CSTF3: variants seen among roughly 807,000 people sequenced by gnomAD.
CSTF3 encodes the protein cleavage stimulation factor subunit 3.
In CSTF3, 29 loss-of-function variants were observed where a neutral mutation model predicts 105.8. That is an observed-to-expected ratio of 0.27 (90% CI 0.20 to 0.37). The LOEUF is 0.37. CSTF3 is among the 10% of genes least tolerant of loss of function. The probability of loss-of-function intolerance (pLI) is 1.00; values close to 1 mark genes in which losing one functional copy is unlikely to be tolerated. For synonymous variants in CSTF3, 252 were observed against 281.9 expected (o/e 0.89, Z 1.06); for missense variants, 357 against 879.3 (o/e 0.41, Z 7.51).
intron 3 of CSTF3, among the ~76,000 whole-genome samples, chr11:33,125,459 G>T (rs1008545415): frequency 1.2e-4 from 19 of 152,114 alleles, no homozygotes; most frequent in African/African-American, 4.3e-4. Context: ...CCTATTAGGG[G>T]TATAATTCAG....
chr11:33,101,361 C>G lies in CSTF3; in HGVS notation c.826+816G>C, dbSNP rs528995026. ...ACCAGCAGAAAACAAAGCTGGAAGG[C>G]AGAAAGAGTTAAATAGATACCTCAG... On this transcript the variant is annotated intron_variant, in intron 10 of 20. Coordinates refer to ENST00000323959, the MANE Select transcript of CSTF3 (RefSeq NM_001326.3). Among the ~76,000 whole-genome samples, 3 of 152,240 alleles carry G rather than the reference C, an allele frequency of 2.0e-5. No individual in the cohort carries two copies. In the South Asian group the frequency reaches 6.2e-4, roughly 32 times the overall value.
At chr11:33,128,322 G>A (rs1487829196) in intron 3 of CSTF3, among the ~76,000 whole-genome samples, 2 of 151,628 alleles carry the variant, frequency 1.3e-5, no homozygotes, top group East Asian at 3.9e-4. Context: ...AATTGTATTA[G>A]TTTCTCAATA....
intron 3 of CSTF3, among the ~76,000 whole-genome samples, chr11:33,121,491 A>G (rs1211335268): frequency 6.6e-6 from 1 of 152,144 alleles, no homozygotes; most frequent in African/African-American, 2.4e-5. Flanking sequence ...TTATAGTTTG[A>G]AATGTTTGTA....
At chr11:33,152,056 C>G (rs758950300) in intron 1 of CSTF3, among the ~76,000 whole-genome samples, 3 of 152,090 alleles carry the variant, frequency 2.0e-5, no homozygotes, top group Non-Finnish European at 4.4e-5. Context: ...GAGTTTGAGA[C>G]CAGCCTGGCC....
At chr11:33,105,830 A>C (rs781618408) in intron 7 of CSTF3, 53 bp downstream of exon 7, 1 of 1,528,074 alleles carries the variant, frequency 6.5e-7, no homozygotes, top group South Asian at 1.2e-5. Context: ...ACTAAAAATT[A>C]TATTTTAGCT....
chr11:33,108,674 A>T (rs1855349987), intron 3 of CSTF3, among the ~76,000 whole-genome samples: 1 of 152,216 alleles, frequency 6.6e-6, no homozygotes, highest in African/African-American at 2.4e-5. Context: ...ATTCTGTAAA[A>T]GTCATGAGAT....
intron 3 of CSTF3, among the ~76,000 whole-genome samples, chr11:33,117,442 TA>T (rs749656224): frequency 6.6e-6 from 1 of 152,056 alleles, no homozygotes; most frequent in Non-Finnish European, 1.5e-5. Context: ...TTAAAATGAC[TA>T]AATACTGCTA....
rs959897838 is a variant in CSTF3 at position 33,105,675 on chromosome 11, A to G, written c.477T>C (p.Tyr159=). ...FLKGVEAVGS[Y]AENQRITAVR... The stretch of plus-strand genomic sequence containing the variant: ...CAGCTGTTATTCTTTGATTTTCTGC[A>G]TAAGATCCTACAGCTTCCCTGAGAT... The change falls in exon 8 of 21, where the codon TAT becomes TAC. Residue 159 remains tyrosine (Y), a synonymous_variant. Coordinates refer to ENST00000323959, the MANE Select transcript of CSTF3 (RefSeq NM_001326.3). 3 of 1,613,456 alleles carry G rather than the reference A, an allele frequency of 1.9e-6. No homozygotes were observed. Among genetic ancestry groups the G allele is most frequent in the African/African-American group, 2.7e-5 (2 of 74,912 alleles).
At chr11:33,115,186 A>C (rs557142924) in intron 3 of CSTF3, among the ~76,000 whole-genome samples, 2 of 152,316 alleles carry the variant, frequency 1.3e-5, no homozygotes, top group African/African-American at 2.4e-5. Context: ...CAATCATCTT[A>C]AACTGAATTT....
chr11:33,143,237 T>C (rs777907604), intron 1 of CSTF3, among the ~76,000 whole-genome samples: 1 of 152,182 alleles, frequency 6.6e-6, no homozygotes, highest in Non-Finnish European at 1.5e-5. Flanking sequence ...AGATAAGCAG[T>C]AGAATTAGAG....
At chr11:33,146,514 C>T (rs1054488447) in intron 1 of CSTF3, among the ~76,000 whole-genome samples, 1 of 151,846 alleles carries the variant, frequency 6.6e-6, no homozygotes, top group East Asian at 1.9e-4. Context: ...AATCACACCA[C>T]TGCACTCTAC....
At chr11:33,131,309 G>C (rs1026010681) in intron 3 of CSTF3, among the ~76,000 whole-genome samples, 10 of 152,122 alleles carry the variant, frequency 6.6e-5, no homozygotes, top group African/African-American at 1.4e-4. Context: ...GTGGTTGTGA[G>C]TAGCTATACA....
intron 13 of CSTF3, among the ~76,000 whole-genome samples, chr11:33,097,926 G>C (rs564689534): frequency 6.6e-6 from 1 of 152,102 alleles, no homozygotes; most frequent in East Asian, 1.9e-4. Context: ...TGGACTATGA[G>C]TTCCTCAAGA....
chr11:33,138,024 T>C (rs1402731354), intron 3 of CSTF3, among the ~76,000 whole-genome samples: 2 of 151,696 alleles, frequency 1.3e-5, no homozygotes, highest in East Asian at 1.9e-4. Flanking sequence ...AAAACTGAAA[T>C]GTATGCTACA....
intron 1 of CSTF3, among the ~76,000 whole-genome samples, chr11:33,145,471 A>G (rs1855770005): frequency 6.6e-6 from 1 of 152,162 alleles, no homozygotes; most frequent in African/African-American, 2.4e-5. Context: ...AAAAAGGGCA[A>G]AGCATATGAA....
intron 8 of CSTF3, 45 bp downstream of exon 8, chr11:33,105,522 A>C (rs775902276): frequency 6.5e-7 from 1 of 1,539,574 alleles, no homozygotes; most frequent in South Asian, 1.2e-5. Context: ...CATAGAAATT[A>C]AAATGGCTTG....
At position 33,124,081 on chromosome 11, in the gene CSTF3, C is replaced by A. The variant is rs114747368; in HGVS notation, c.226-15663G>T. On this transcript the variant is annotated intron_variant, in intron 3 of 20. Coordinates refer to ENST00000323959, the MANE Select transcript of CSTF3 (RefSeq NM_001326.3). ...AAATGTACAAATAAAACACAATATG[C>A]ATTATGCATACAGAAATTAGATGTA... 8.9e-3 allele frequency among the ~76,000 whole-genome samples: 1,347 copies of A among 151,988 alleles called. 27 individuals are homozygous for A. The highest frequency in any genetic ancestry group is 0.031 in the African/African-American group (1,271 of 41,480).
At chr11:33,132,188 C>T (rs1855606485) in intron 3 of CSTF3, among the ~76,000 whole-genome samples, 2 of 152,088 alleles carry the variant, frequency 1.3e-5, no homozygotes, top group African/African-American at 2.4e-5. Context: ...TATAGAGTTA[C>T]CTGCAGATTC....
intron 17 of CSTF3, among the ~76,000 whole-genome samples, chr11:33,087,833 C>G (rs1481035969): frequency 6.6e-6 from 1 of 152,194 alleles, no homozygotes; most frequent in East Asian, 1.9e-4. Context: ...TCTCTGACCT[C>G]AAATCCATCC....
Sources: allele counts gnomAD v4.1 joint callset (sites outside exome capture counted in the v4.1 genomes callset), GRCh38; gene constraint gnomAD v4.1.1; transcripts MANE v1.5; gene names NCBI Gene and HGNC (gene_info 2026-07-23, HGNC 2026-07-21).